The following MSH4 variants were observed in gnomAD, a reference collection of about 807,000 sequenced individuals.
MSH4 encodes the protein mutS protein homolog 4.
MSH4 carries 106 observed loss-of-function variants against 113.7 expected under a neutral mutation model. That is an observed-to-expected ratio of 0.93 (90% CI 0.80 to 1.10). The LOEUF (loss-of-function observed/expected upper bound fraction) is 1.10. Among genes scored for constraint, MSH4 ranks in the 50% least tolerant of loss-of-function variants. The pLI is 0.00. For synonymous variants in MSH4, 368 were observed against 380.2 expected (o/e 0.97, Z 0.37); for missense variants, 1,061 against 1,093.7 (o/e 0.97, Z 0.42).
At chr1:75,870,654 C>T (rs112368938) in intron 9 of MSH4, among the ~76,000 whole-genome samples, 42,322 of 152,054 alleles carry the variant, frequency 0.28, 6,179 homozygotes, top group Middle Eastern at 0.37. Context: ...TAAAACATGA[C>T]TTTGCTCCTT....
At chr1:75,838,377 C>G (rs564605033) in intron 7 of MSH4, among the ~76,000 whole-genome samples, 1 of 152,176 alleles carries the variant, frequency 6.6e-6, no homozygotes, top group Non-Finnish European at 1.5e-5. Context: ...TAAGATTACA[C>G]TGGGGCCAAG....
intron 7 of MSH4, among the ~76,000 whole-genome samples, chr1:75,843,617 G>C (rs901869801): frequency 5.3e-5 from 8 of 152,070 alleles, no homozygotes; most frequent in Non-Finnish European, 8.8e-5. Flanking sequence ...TAACTCCCTA[G>C]ACCCCTTAGG....
intron 8 of MSH4, among the ~76,000 whole-genome samples, chr1:75,851,377 T>A (rs1174245196): frequency 2.0e-5 from 3 of 152,090 alleles, no homozygotes; most frequent in Non-Finnish European, 4.4e-5. Flanking sequence ...GTTTATAGAC[T>A]ACATCTTTAG....
intron 1 of MSH4, among the ~76,000 whole-genome samples, chr1:75,802,227 G>A (rs1057009819): frequency 1.2e-4 from 18 of 152,100 alleles, no homozygotes; most frequent in African/African-American, 3.6e-4. Context: ...TTAAGGAGTC[G>A]TTACAGCTAT....
chr1:75,809,777 A>G (rs1650148403), intron 3 of MSH4, among the ~76,000 whole-genome samples: 1 of 152,036 alleles, frequency 6.6e-6, no homozygotes, highest in African/African-American at 2.4e-5. Flanking sequence ...CAGCCTCCCA[A>G]GTAGCTGGGA....
rs143008242 is a variant in MSH4, at chr1:75,875,201, A to G, written c.1306-1735A>G. Among the ~76,000 whole-genome samples, 1,086 of 152,304 alleles carry G rather than the reference A, an allele frequency of 7.1e-3. 13 individuals carry two copies. Among genetic ancestry groups the G allele is most frequent in the African/African-American group, 0.025 (1,031 of 41,562 alleles). ...GAGCCATGGCGCCAGGCCAATTGACATTTTTAACATCAATAATGAGGCCCC... is the reference window on the plus strand; with the variant it reads ...GAGCCATGGCGCCAGGCCAATTGACGTTTTTAACATCAATAATGAGGCCCC... On this transcript the variant is annotated intron_variant, in intron 9 of 19. Coordinates refer to ENST00000263187, the MANE Select transcript of MSH4 (RefSeq NM_002440.4).
intron 8 of MSH4, among the ~76,000 whole-genome samples, chr1:75,867,189 A>T (rs972604341): frequency 2.6e-5 from 4 of 152,154 alleles, no homozygotes; most frequent in Non-Finnish European, 5.9e-5. Context: ...TTTTTCAGTT[A>T]ATCTTAGTCT....
chr1:75,899,490 GAGT>G lies in MSH4; in HGVS notation c.2531-124_2531-122del, dbSNP rs1238998182. ...AGAAAGCTTAATTCTGAGAATTATT[GAGT>G]AGTTCAGAAGTGCCTCTAGAAGGGA... On this transcript the variant is annotated intron_variant, in intron 18 of 19. Transcript: ENST00000263187. 2.0e-5 allele frequency: 9 copies of G among 450,828 alleles called. No individual in the cohort carries two copies. In the Admixed American group the frequency reaches 3.5e-4, roughly 18 times the overall value. The allele number at this position is 450,828 out of a possible 1,614,324, so 27.9% of individuals were successfully genotyped here.
At chr1:75,876,716 C>T (rs1400264039) in intron 9 of MSH4, among the ~76,000 whole-genome samples, 1 of 151,912 alleles carries the variant, frequency 6.6e-6, no homozygotes, top group Non-Finnish European at 1.5e-5. Flanking sequence ...TTATAATAAG[C>T]AGTGGATGGC....
At chr1:75,862,105 A>G (rs1380167042) in intron 8 of MSH4, among the ~76,000 whole-genome samples, 1 of 152,184 alleles carries the variant, frequency 6.6e-6, no homozygotes, top group Non-Finnish European at 1.5e-5. Context: ...CAGGCACGGA[A>G]GGGGATCTCC....
intron 19 of MSH4, among the ~76,000 whole-genome samples, chr1:75,910,900 C>T (rs1361059900): frequency 6.6e-6 from 1 of 152,050 alleles, no homozygotes; most frequent in Admixed American, 6.6e-5. Flanking sequence ...AGTAAGTTCT[C>T]TCTCTCTCTC....
rs926851265 is a variant in MSH4, at chr1:75,797,019, T to C, written c.34T>C (p.Ser12Pro). The C allele has an allele frequency of 6.2e-7, 1 of 1,613,932 alleles. No individual in the cohort carries two copies. Among genetic ancestry groups the C allele is most frequent in the Non-Finnish European group, 8.5e-7 (1 of 1,180,012 alleles). ...LRPEISSTSPSAPAVSPSSGE... is the reference protein window; with the variant it reads ...LRPEISSTSPPAPAVSPSSGE... The stretch of plus-strand genomic sequence containing the variant: ...GCCTGAGATCTCATCAACCTCGCCT[T>C]CTGCCCCGGCGGTTTCCCCGTCGTC... Residue 12 changes from serine to proline, a missense_variant, in exon 1 of 20, where the codon TCT becomes CCT. By Grantham distance (74) the Ser-to-Pro change is moderately conservative. Transcript: ENST00000263187.
At chr1:75,828,332 G>C (rs951798619) in intron 7 of MSH4, among the ~76,000 whole-genome samples, 4 of 151,952 alleles carry the variant, frequency 2.6e-5, no homozygotes, top group African/African-American at 9.7e-5. Context: ...TAAATAAATT[G>C]TTCTCCCAAA....
At chr1:75,818,345 C>G (rs939907325) in intron 6 of MSH4, among the ~76,000 whole-genome samples, 6 of 152,180 alleles carry the variant, frequency 3.9e-5, no homozygotes, top group African/African-American at 1.4e-4. Flanking sequence ...CAAAGCTCCA[C>G]TAACCTTGAT....
chr1:75,882,691 C>T (rs977691996), intron 14 of MSH4, among the ~76,000 whole-genome samples: 1 of 91,982 alleles, frequency 1.1e-5, no homozygotes, highest in Non-Finnish European at 2.4e-5. Flanking sequence ...AAAAAAAAAT[C>T]GGTGAGAAGT....
At chr1:75,845,455 C>A (rs909787296) in intron 7 of MSH4, among the ~76,000 whole-genome samples, 1 of 152,088 alleles carries the variant, frequency 6.6e-6, no homozygotes, top group Non-Finnish European at 1.5e-5. Context: ...GAGAAATAGG[C>A]AATAAGAAAG....
chr1:75,803,717 T>G lies in MSH4; in HGVS notation c.245-14T>G. On this transcript the variant is annotated splice_polypyrimidine_tract_variant and intron_variant, in intron 1 of 19. Transcript: ENST00000263187. ...CAAATCTTTAAGAATTGACTGTTAA[T>G]TTTTCAAATTTAGGTTCATACTTTG... is the stretch of plus-strand genomic sequence containing the variant. 2 of 1,526,268 alleles carry G rather than the reference T, an allele frequency of 1.3e-6. No homozygotes were observed. Among genetic ancestry groups the G allele is most frequent in the Non-Finnish European group, 1.8e-6 (2 of 1,136,558 alleles). The allele number at this position is 1,526,268 out of a possible 1,614,324, so 94.5% of individuals were successfully genotyped here.
In MSH4 at chr1:75,803,875, C is replaced by G. The variant is rs1649997203; in HGVS notation, c.389C>G (p.Ser130Ter). ...TTGTCTACTGGAAATCCTCAGAGAT[C>G]AGGTTATAAGAGCTGGACACCACAA... ...TPLSTGNPQR[S>*]GYKSWTPQVG... The change falls in exon 2 of 20, where the codon TCA becomes TGA. Residue 130 changes from serine (S) to a stop codon, truncating the protein, a stop_gained. Transcript: ENST00000263187. LOFTEE classifies it high-confidence loss of function. The G allele has an allele frequency of 5.0e-6, 8 of 1,596,038 alleles. No homozygotes were observed. Among genetic ancestry groups the G allele is most frequent in the Admixed American group, 1.8e-5 (1 of 56,764 alleles).
At chr1:75,816,066 G>A (rs1376401344) in intron 5 of MSH4, among the ~76,000 whole-genome samples, 1 of 151,890 alleles carries the variant, frequency 6.6e-6, no homozygotes. Flanking sequence ...TACTTAGAAT[G>A]GTACATCAAA....
Sources: gnomAD v4.1 joint callset for allele counts (sites outside exome capture counted in the v4.1 genomes callset) on GRCh38, gnomAD v4.1.1 for gene constraint, MANE v1.5 for transcripts, NCBI Gene and HGNC (gene_info 2026-07-23, HGNC 2026-07-21) for gene names.